Variants in COL4A5 observed in about 807,000 individuals in gnomAD.
COL4A5 encodes the protein collagen type IV alpha 5 chain.
A neutral mutation model predicts 130.2 loss-of-function variants in COL4A5; 26 were observed. That is an observed-to-expected ratio of 0.20 (90% confidence interval 0.15 to 0.28). COL4A5 has a LOEUF of 0.28. Among genes scored for constraint, COL4A5 ranks in the 10% least tolerant of loss-of-function variants. The probability of loss-of-function intolerance (pLI) is 1.00; values close to 1 mark genes in which losing one functional copy is unlikely to be tolerated. For synonymous variants in COL4A5, 496 were observed against 439.6 expected (o/e 1.13, Z -1.60); for missense variants, 1,131 against 1,344.3 (o/e 0.84, Z 2.48).
At chrX:108,460,262 G>A (rs2064629451) in intron 1 of COL4A5, among the ~76,000 whole-genome samples, 1 of 111,108 alleles carries the variant, frequency 9.0e-6, no homozygotes, top group Admixed American at 9.6e-5. Flanking sequence ...AAAATAAAAG[G>A]GCCAATTCCC....
intron 37 of COL4A5, among the ~76,000 whole-genome samples, chrX:108,661,581 A>G (rs2067958279): frequency 9.0e-6 from 1 of 111,485 alleles, no homozygotes; most frequent in African/African-American, 3.3e-5. Context: ...GTCTATTTCT[A>G]TTGGTAGTTT....
intron 1 of COL4A5, among the ~76,000 whole-genome samples, chrX:108,495,314 C>T (rs770537305): frequency 1.7e-3 from 192 of 110,788 alleles, no homozygotes; most frequent in African/African-American, 6.2e-3. Flanking sequence ...AATTCTTAGA[C>T]GTAATACCAA....
intron 37 of COL4A5, among the ~76,000 whole-genome samples, chrX:108,657,148 G>A (rs1411325287): frequency 9.0e-6 from 1 of 111,399 alleles, no homozygotes; most frequent in Non-Finnish European, 1.9e-5. Context: ...TTTGGCTTAT[G>A]AGCTATCTCA....
At chrX:108,480,556 C>G (rs2064878976) in intron 1 of COL4A5, among the ~76,000 whole-genome samples, 1 of 112,944 alleles carries the variant, frequency 8.9e-6, no homozygotes, top group South Asian at 3.6e-4. Flanking sequence ...TGAGGTAGGA[C>G]AGTAAAGCTA....
chrX:108,566,341 T>G (rs1167533923), intron 4 of COL4A5, among the ~76,000 whole-genome samples: 11 of 110,225 alleles, frequency 1.0e-4, no homozygotes, highest in African/African-American at 3.3e-4. Flanking sequence ...TGTGAAAGCC[T>G]TTTAAAGTTG....
intron 42 of COL4A5, chrX:108,670,450 T>G (rs1406479250): frequency 1.9e-5 from 5 of 266,876 alleles, no homozygotes; most frequent in Non-Finnish European, 2.6e-5. Flanking sequence ...GAAAACTAAT[T>G]TAACATTTAA....
At chrX:108,585,832 T>A (rs190490611) in intron 18 of COL4A5, among the ~76,000 whole-genome samples, 185 of 111,482 alleles carry the variant, frequency 1.7e-3, no homozygotes, top group African/African-American at 5.5e-3. Flanking sequence ...TATTTTTAAA[T>A]TTTTTTGGTA....
At chrX:108,450,225 G>C (rs2064494454) in intron 1 of COL4A5, among the ~76,000 whole-genome samples, 1 of 112,064 alleles carries the variant, frequency 8.9e-6, no homozygotes, top group African/African-American at 3.2e-5. Context: ...AATTGTTTGA[G>C]TTACGAGCTG....
At chrX:108,623,109 T>C (rs919198486) in intron 33 of COL4A5, among the ~76,000 whole-genome samples, 1 of 112,073 alleles carries the variant, frequency 8.9e-6, no homozygotes, top group African/African-American at 3.2e-5. Context: ...TAAAAAGTAA[T>C]ACAGGAAAAG....
chrX:108,523,903 A>C (rs928260865), intron 1 of COL4A5, among the ~76,000 whole-genome samples: 1 of 111,490 alleles, frequency 9.0e-6, no homozygotes, highest in Non-Finnish European at 1.9e-5. Flanking sequence ...TAGGAATACA[A>C]TTGATTTTTA....
At chrX:108,552,648 T>C (rs952787766) in intron 2 of COL4A5, among the ~76,000 whole-genome samples, 17 of 111,634 alleles carry the variant, frequency 1.5e-4, no homozygotes, top group Non-Finnish European at 2.6e-4. Flanking sequence ...AAGACCTGAA[T>C]AAATGGAGAT....
rs763529298 is a variant in COL4A5 at position 108,568,747 on chromosome X, C to T, written c.322-12C>T. On this transcript the variant is annotated splice_polypyrimidine_tract_variant and intron_variant, in intron 5 of 52. Coordinates refer to ENST00000328300, the MANE Select transcript of COL4A5 (RefSeq NM_033380.3). Reference sequence around the variant, plus strand: ...AAGACATATTATACATGTGTTATGTCGCTTTTCAAAGGGAATGCCAGGCCA... The same window carrying T: ...AAGACATATTATACATGTGTTATGTTGCTTTTCAAAGGGAATGCCAGGCCA... 2.3e-5 allele frequency: 28 copies of T among 1,207,001 alleles called. No individual in the cohort carries two copies. The highest frequency in any genetic ancestry group is 3.5e-5 in the South Asian group (2 of 56,683).
At chrX:108,548,083 T>G (rs779845020) in intron 2 of COL4A5, among the ~76,000 whole-genome samples, 5 of 111,486 alleles carry the variant, frequency 4.5e-5, no homozygotes, top group South Asian at 3.8e-4. Context: ...TCACCCTGCT[T>G]TGGCTCACGC....
chrX:108,521,264 A>G lies in COL4A5; in HGVS notation c.82-18482A>G, dbSNP rs187170276. 2.1e-4 allele frequency among the ~76,000 whole-genome samples: 23 copies of G among 111,300 alleles called. No homozygotes were observed. The East Asian group carries it at 5.3e-3, about 26-fold the overall frequency. ...TATTCTCTTACAAATTTGAATATCTAGAATGCGTTGGAGGAAAATTTTCCG... is the reference window on the plus strand; with the variant it reads ...TATTCTCTTACAAATTTGAATATCTGGAATGCGTTGGAGGAAAATTTTCCG... On this transcript the variant is annotated intron_variant, in intron 1 of 52. Transcript: ENST00000328300.
chrX:108,646,605 T>C (rs1443664925), intron 36 of COL4A5, among the ~76,000 whole-genome samples: 1 of 111,976 alleles, frequency 8.9e-6, no homozygotes, highest in East Asian at 2.8e-4. Flanking sequence ...TTTGTCAATT[T>C]TGGCTTTTGT....
At chrX:108,543,024 T>C (rs1474233989) in intron 2 of COL4A5, among the ~76,000 whole-genome samples, 1 of 111,310 alleles carries the variant, frequency 9.0e-6, no homozygotes, top group Non-Finnish European at 1.9e-5. Context: ...TGTCAGATAA[T>C]AGGTTGCAAA....
At chrX:108,515,868 AT>A (rs1167720856) in intron 1 of COL4A5, among the ~76,000 whole-genome samples, 5 of 109,371 alleles carry the variant, frequency 4.6e-5, no homozygotes, top group Non-Finnish European at 7.6e-5. Flanking sequence ...TTAAGACTGC[AT>A]TTTTTTTTCT....
At chrX:108,653,546 T>C (rs111521500) in intron 36 of COL4A5, among the ~76,000 whole-genome samples, 1 of 110,970 alleles carries the variant, frequency 9.0e-6, no homozygotes, top group African/African-American at 3.3e-5. Flanking sequence ...AAACATAAAT[T>C]ATTTATTTCT....
At chrX:108,445,299 A>G (rs1382276831) in intron 1 of COL4A5, among the ~76,000 whole-genome samples, 1 of 111,515 alleles carries the variant, frequency 9.0e-6, no homozygotes, top group Admixed American at 9.6e-5. Context: ...CTGCATACAC[A>G]TTTTGGCCCT....
Sources: gnomAD v4.1 joint callset for allele counts (sites outside exome capture counted in the v4.1 genomes callset) on GRCh38, gnomAD v4.1.1 for gene constraint, MANE v1.5 for transcripts, NCBI Gene and HGNC (gene_info 2026-07-23, HGNC 2026-07-21) for gene names.